DYRK3: variants seen among roughly 807,000 people sequenced by gnomAD.
DYRK3 encodes dual specificity tyrosine phosphorylation regulated kinase 3, also known as dual specificity tyrosine-phosphorylation-regulated kinase 3.
Under a neutral mutation model 40.8 loss-of-function variants are expected in DYRK3, and 30 were observed. That is an observed-to-expected ratio of 0.74 (90% CI 0.55 to 1.00). The LOEUF (loss-of-function observed/expected upper bound fraction) is 1.00. DYRK3 is among the 50% of genes least tolerant of loss of function. The probability of loss-of-function intolerance (pLI) is 0.00; values close to 1 mark genes in which losing one functional copy is unlikely to be tolerated. For missense variants in DYRK3, 699 were observed against 731.5 expected, an observed-to-expected ratio of 0.96 and a Z score of 0.51; for synonymous variants, 272 against 260.7, an observed-to-expected ratio of 1.04 and a Z score of -0.42.
Position 206,647,879 on chromosome 1 carries a change from T to C in DYRK3, c.681T>C (p.Tyr227=), listed in dbSNP as rs201559924. ...KGSFGQVARV[Y]DHKLRQYVAL... is the part of the protein sequence containing the mutation. The stretch of plus-strand genomic sequence containing the variant: ...GTTTTGGGCAGGTGGCCAGGGTCTA[T>C]GATCACAAACTTCGACAGTACGTGG... The change falls in exon 3 of 3, where the codon TAT becomes TAC. Residue 227 remains tyrosine (Y), a synonymous_variant. Transcript: ENST00000367109. 1 of 1,613,976 alleles carries C rather than the reference T, an allele frequency of 6.2e-7. No homozygotes were observed. Among genetic ancestry groups the C allele is most frequent in the Non-Finnish European group, 8.5e-7 (1 of 1,180,022 alleles).
rs1453663969 is a variant in DYRK3, at chr1:206,637,764, A to G, written c.189+3A>G. On this transcript the variant is annotated splice_donor_region_variant and intron_variant, in intron 2 of 2. Coordinates refer to ENST00000367109, the MANE Select transcript of DYRK3 (RefSeq NM_003582.4). ...CACCTCCACCCAGAAGACTAAATGT[A>G]AGTAAAAGAAGTCATTCTTTGTACA... 5 of 1,599,340 alleles carry G rather than the reference A, an allele frequency of 3.1e-6. No individual in the cohort carries two copies. Among genetic ancestry groups the G allele is most frequent in the Admixed American group, 1.7e-5 (1 of 59,726 alleles).
chr1:206,643,405 G>T (rs1671344982), intron 2 of DYRK3, among the ~76,000 whole-genome samples: 1 of 152,108 alleles, frequency 6.6e-6, no homozygotes, highest in African/African-American at 2.4e-5. Flanking sequence ...TATTAATGTT[G>T]TGTACCTGAG....
Position 206,648,454 on chromosome 1 carries a change from C to T in DYRK3, c.1256C>T (p.Ala419Val), listed in dbSNP as rs1671532070. Residue 419 changes from alanine to valine, a missense_variant, in exon 3 of 3, where the codon GCC becomes GTC. By Grantham distance (64) the Ala-to-Val change is moderately conservative (BLOSUM62 0). Transcript: ENST00000367109. The part of the protein sequence containing the change: ...FPGEDEGDQL[A>V]CMMELLGMPP... ...GGAGAGGATGAAGGAGACCAGTTGG[C>T]CTGCATGATGGAGCTTCTAGGGATG... 1 of 1,614,158 alleles carries T rather than the reference C, an allele frequency of 6.2e-7. No homozygotes were observed. Among genetic ancestry groups the T allele is most frequent in the Non-Finnish European group, 8.5e-7 (1 of 1,180,016 alleles).
chr1:206,648,741 C>T lies in DYRK3; in HGVS notation c.1543C>T (p.Gln515Ter), dbSNP rs1304698950. The change falls in exon 3 of 3, where the codon CAA (glutamine) becomes TAA (stop). Residue 515 changes from glutamine to a stop codon, truncating the protein, a stop_gained. Coordinates refer to ENST00000367109, the MANE Select transcript of DYRK3 (RefSeq NM_003582.4). LOFTEE classifies it high-confidence loss of function. Reference protein sequence around the residue: ...WDPSARLTPAQALRHPWISKS... With the variant: ...WDPSARLTPA ...CCCCTCTGCCCGCTTGACCCCAGCTCAAGCATTAAGACACCCTTGGATTAG... is the reference window on the plus strand; with the variant it reads ...CCCCTCTGCCCGCTTGACCCCAGCTTAAGCATTAAGACACCCTTGGATTAG... 5 of 1,613,946 alleles carry T rather than the reference C, an allele frequency of 3.1e-6. No individual in the cohort carries two copies. The highest frequency in any genetic ancestry group is 2.7e-5 in the African/African-American group (2 of 74,920).
chr1:206,642,256 G>A (rs1405466692), intron 2 of DYRK3, among the ~76,000 whole-genome samples: 25 of 150,546 alleles, frequency 1.7e-4, no homozygotes, highest in African/African-American at 5.9e-4. Flanking sequence ...TTAGAATGGC[G>A]ATCATTAAAA....
Position 206,647,831 on chromosome 1 carries a change from G to C in DYRK3, c.633G>C (p.Val211=). 6.2e-7 allele frequency: 1 copy of C among 1,614,150 alleles called. No individual in the cohort carries two copies. Among genetic ancestry groups the C allele is most frequent in the Non-Finnish European group, 8.5e-7 (1 of 1,180,036 alleles). ...PRDHLAYRYE[V]LKIIGKGSFG... ...ACCATCTAGCTTATCGATATGAGGT[G>C]CTGAAAATTATTGGCAAGGGGAGTT... Residue 211 remains valine, a synonymous_variant, in exon 3 of 3, where the codon GTG becomes GTC. Transcript: ENST00000367109.
At chr1:206,636,707 C>T (rs1553418384) in intron 1 of DYRK3, among the ~76,000 whole-genome samples, 1 of 152,156 alleles carries the variant, frequency 6.6e-6, no homozygotes, top group African/African-American at 2.4e-5. Context: ...AATTATTCCT[C>T]TGCAACATCA....
chr1:206,643,688 A>G (rs1479768898), intron 2 of DYRK3, among the ~76,000 whole-genome samples: 1 of 152,126 alleles, frequency 6.6e-6, no homozygotes, highest in Non-Finnish European at 1.5e-5. Flanking sequence ...GGGTGAGGCA[A>G]TTCCGTGTAT....
Position 206,648,648 on chromosome 1 carries a change from G to A in DYRK3, c.1450G>A (p.Gly484Arg). The change falls in exon 3 of 3, where the codon GGG (glycine) becomes AGG (arginine). Residue 484 changes from glycine (G) to arginine (R), a missense_variant. By Grantham distance (125) the Gly-to-Arg change is moderately radical (BLOSUM62 -2). Coordinates refer to ENST00000367109, the MANE Select transcript of DYRK3 (RefSeq NM_003582.4). ...KRGPPGSKDW[G>R]TALKGCDDYL... ...GGGTCCCCCAGGCAGCAAAGACTGG[G>A]GGACAGCACTGAAAGGGTGTGATGA... 1 of 1,613,884 alleles carries A rather than the reference G, an allele frequency of 6.2e-7. No homozygotes were observed. Among genetic ancestry groups the A allele is most frequent in the Non-Finnish European group, 8.5e-7 (1 of 1,179,860 alleles).
chr1:206,640,581 C>T (rs908313725), intron 2 of DYRK3, among the ~76,000 whole-genome samples: 14 of 144,896 alleles, frequency 9.7e-5, no homozygotes, highest in African/African-American at 1.3e-4. Context: ...GACAGAGTCT[C>T]GCTCTGTCAC....
In DYRK3 at chr1:206,644,870, A is replaced by G. The variant is rs1671405150; in HGVS notation, c.190-2518A>G. Among the ~76,000 whole-genome samples the G allele has an allele frequency of 2.6e-5, 4 of 152,198 alleles. No individual in the cohort carries two copies. The South Asian group carries it at 8.3e-4, about 32-fold the overall frequency. Reference sequence around the variant, plus strand: ...TTAGATTCTATATGTGGGCCTGTTTATTTTCTTGACCAGTGATAGTTTTCT... The same window carrying G: ...TTAGATTCTATATGTGGGCCTGTTTGTTTTCTTGACCAGTGATAGTTTTCT... On this transcript the variant is annotated intron_variant, in intron 2 of 2. Coordinates refer to ENST00000367109, the MANE Select transcript of DYRK3 (RefSeq NM_003582.4).
intron 1 of DYRK3, chr1:206,635,987 G>A: frequency 7.2e-7 from 1 of 1,385,228 alleles, no homozygotes; most frequent in Non-Finnish European, 9.4e-7. Context: ...GCGGGGGACG[G>A]GGCTAGAGCG....
chr1:206,644,030 G>GTTTTTTTTTTTTTTTTT (rs1558557214), intron 2 of DYRK3, among the ~76,000 whole-genome samples: 1 of 88,070 alleles, frequency 1.1e-5, no homozygotes, highest in African/African-American at 3.9e-5. Context: ...GGGACCTACA[G>GTTTTTTTTTTTTTTTTT]CTTTTTTTTT....
intron 2 of DYRK3, among the ~76,000 whole-genome samples, chr1:206,639,380 CT>C (rs1553418931): frequency 2.6e-5 from 4 of 151,796 alleles, no homozygotes; most frequent in Non-Finnish European, 1.5e-5. Context: ...TGCTTGGTTA[CT>C]TGCTGCCAAT....
chr1:206,636,054 G>T, intron 1 of DYRK3: 5 of 1,514,348 alleles, frequency 3.3e-6, no homozygotes, highest in Non-Finnish European at 3.5e-6. Context: ...CTAGATCGGG[G>T]TATATGTTAA....
rs1304764834 is a variant in DYRK3, at chr1:206,649,783, G to A, written c.*818G>A. Among the ~76,000 whole-genome samples, 2 of 152,176 alleles carry A rather than the reference G, an allele frequency of 1.3e-5. No individual in the cohort carries two copies. The highest frequency in any genetic ancestry group is 3.8e-4 in the East Asian group (2 of 5,198). On this transcript the variant is annotated 3_prime_UTR_variant, in exon 3 of 3. Coordinates refer to ENST00000367109, the MANE Select transcript of DYRK3 (RefSeq NM_003582.4). ...TCAGCATGAAAACTGCAGTTCCCCA[G>A]CTTTGTGGTACTCCACGGACCAGCC...
At chr1:206,640,129 T>G (rs146352395) in intron 2 of DYRK3, among the ~76,000 whole-genome samples, 1,977 of 151,604 alleles carry the variant, frequency 0.013, 49 homozygotes, top group African/African-American at 0.045. Context: ...AGAGATGGGG[T>G]TTCACCATGT....
At chr1:206,643,245 A>G (rs145248482) in intron 2 of DYRK3, among the ~76,000 whole-genome samples, 1,581 of 152,302 alleles carry the variant, frequency 0.01, 32 homozygotes, top group African/African-American at 0.036. Flanking sequence ...ACTTCTGTGT[A>G]GTTCCCAAAG....
chr1:206,639,200 G>A (rs1272582146), intron 2 of DYRK3, among the ~76,000 whole-genome samples: 1 of 151,958 alleles, frequency 6.6e-6, no homozygotes, highest in South Asian at 2.1e-4. Context: ...TTCAACACTA[G>A]TAGTATACAA....
Sources: allele counts gnomAD v4.1 joint callset (sites outside exome capture counted in the v4.1 genomes callset), GRCh38; gene constraint gnomAD v4.1.1; transcripts MANE v1.5; gene names NCBI Gene and HGNC (gene_info 2026-07-23, HGNC 2026-07-21).